The following PPP2R2B variants were observed in gnomAD, a reference collection of about 807,000 sequenced individuals.
PPP2R2B encodes serine/threonine-protein phosphatase 2A 55 kDa regulatory subunit B beta isoform.
PPP2R2B carries 5 observed loss-of-function variants against 46.0 expected under a neutral mutation model. The ratio of observed to expected loss-of-function variants is 0.11; its 90% CI spans 0.06 to 0.23. PPP2R2B has a LOEUF of 0.23. Ranked by LOEUF, PPP2R2B falls within the 10% of genes least tolerant of loss-of-function variation. The pLI is 1.00. For synonymous variants in PPP2R2B, 215 were observed against 206.7 expected (o/e 1.04, Z -0.34); for missense variants, 367 against 575.0 (o/e 0.64, Z 3.70).
At chr5:146,886,009 A>G (rs1344862954) in intron 1 of PPP2R2B, among the ~76,000 whole-genome samples, 12 of 152,122 alleles carry the variant, frequency 7.9e-5, no homozygotes. Flanking sequence ...TAAAGGGTTC[A>G]GGATTTCTTT....
chr5:146,756,435 G>A (rs1753834579), intron 2 of PPP2R2B, among the ~76,000 whole-genome samples: 1 of 152,132 alleles, frequency 6.6e-6, no homozygotes, highest in African/African-American at 2.4e-5. Context: ...ATACACTACG[G>A]CAGATGTGAG....
intron 2 of PPP2R2B, among the ~76,000 whole-genome samples, chr5:146,798,094 C>A (rs2151301996): frequency 6.6e-6 from 1 of 152,020 alleles, no homozygotes; most frequent in East Asian, 1.9e-4. Flanking sequence ...CATTTTTATC[C>A]CTAGTATCTT....
At chr5:146,791,775 A>G (rs1310497564) in intron 2 of PPP2R2B, among the ~76,000 whole-genome samples, 1 of 152,236 alleles carries the variant, frequency 6.6e-6, no homozygotes, top group African/African-American at 2.4e-5. Context: ...CACACTCACT[A>G]CTATTTATTA....
chr5:146,977,089 C>G (rs982993480), intron 1 of PPP2R2B, among the ~76,000 whole-genome samples: 2 of 152,110 alleles, frequency 1.3e-5, no homozygotes, highest in African/African-American at 2.4e-5. Flanking sequence ...TGCCTTCATT[C>G]TTTCATACCC....
chr5:146,841,467 C>T (rs539906504), intron 2 of PPP2R2B, among the ~76,000 whole-genome samples: 72 of 152,202 alleles, frequency 4.7e-4, no homozygotes, highest in Non-Finnish European at 9.3e-4. Context: ...GTGAAAATTC[C>T]TCATTCCTAC....
At chr5:146,896,924 G>C (rs1198099093) in intron 1 of PPP2R2B, among the ~76,000 whole-genome samples, 1 of 152,090 alleles carries the variant, frequency 6.6e-6, no homozygotes, top group Non-Finnish European at 1.5e-5. Context: ...GCTAAGAAAT[G>C]CTGGCTTAGC....
intron 2 of PPP2R2B, among the ~76,000 whole-genome samples, chr5:146,815,125 A>G (rs941213150): frequency 2.6e-5 from 4 of 152,186 alleles, no homozygotes; most frequent in African/African-American, 4.8e-5. Context: ...ATCATCCCTG[A>G]AGGATGTGCA....
chr5:147,043,903 C>A (rs1756427751), intron 1 of PPP2R2B, among the ~76,000 whole-genome samples: 1 of 152,076 alleles, frequency 6.6e-6, no homozygotes, highest in Admixed American at 6.6e-5. Context: ...GTGGAGCCAG[C>A]CTACCTGGGT....
intron 2 of PPP2R2B, among the ~76,000 whole-genome samples, chr5:146,709,029 C>A (rs888710896): frequency 6.6e-6 from 1 of 152,212 alleles, no homozygotes; most frequent in Admixed American, 6.5e-5. Context: ...TGCTTGCTAT[C>A]CTTGACCTAC....
chr5:146,971,536 A>G (rs1752660762), intron 1 of PPP2R2B, among the ~76,000 whole-genome samples: 1 of 152,204 alleles, frequency 6.6e-6, no homozygotes, highest in South Asian at 2.1e-4. Context: ...ATCTTTTTCT[A>G]TGAGAAATAA....
chr5:146,770,974 TA>T (rs1754817746), intron 2 of PPP2R2B, among the ~76,000 whole-genome samples: 1 of 152,226 alleles, frequency 6.6e-6, no homozygotes, highest in African/African-American at 2.4e-5. Context: ...AGAATTTACC[TA>T]TGCATGATGG....
chr5:146,898,128 T>C (rs144321347), intron 1 of PPP2R2B, among the ~76,000 whole-genome samples: 1,577 of 152,284 alleles, frequency 0.01, 34 homozygotes, highest in African/African-American at 0.037. Flanking sequence ...GAGGTTGCAG[T>C]GAACTGAGAT....
intron 2 of PPP2R2B, among the ~76,000 whole-genome samples, chr5:146,746,550 T>A (rs1418529304): frequency 1.3e-5 from 2 of 152,212 alleles, no homozygotes; most frequent in Non-Finnish European, 2.9e-5. Context: ...TTCTCTAGCC[T>A]GCAAAAGGAG....
chr5:146,624,168 G>T (rs1773888071), intron 7 of PPP2R2B, among the ~76,000 whole-genome samples: 1 of 152,166 alleles, frequency 6.6e-6, no homozygotes, highest in African/African-American at 2.4e-5. Flanking sequence ...TGGGTTTTCA[G>T]GAGGATCAAT....
At chr5:146,777,261 C>T (rs139237589) in intron 2 of PPP2R2B, among the ~76,000 whole-genome samples, 31 of 152,048 alleles carry the variant, frequency 2.0e-4, no homozygotes, top group Middle Eastern at 3.4e-3. Flanking sequence ...TAAAATGTGG[C>T]GCATATGTAA....
chr5:147,058,004 C>G (rs1341458211), upstream of PPP2R2B, among the ~76,000 whole-genome samples: 1 of 152,164 alleles, frequency 6.6e-6, no homozygotes, highest in Admixed American at 6.6e-5. Flanking sequence ...AGTATCAGCC[C>G]TTAATTACAG....
chr5:146,969,875 A>G (rs945948280), intron 1 of PPP2R2B, among the ~76,000 whole-genome samples: 3 of 152,240 alleles, frequency 2.0e-5, no homozygotes, highest in Non-Finnish European at 4.4e-5. Context: ...GATTACATTT[A>G]TCGCAGTGAA....
At chr5:146,718,165 C>T (rs17105251) in intron 2 of PPP2R2B, among the ~76,000 whole-genome samples, 20,324 of 151,918 alleles carry the variant, frequency 0.13, 1,774 homozygotes, top group East Asian at 0.36. Context: ...CAATGTTTGA[C>T]ACATAGTAGA....
In PPP2R2B at chr5:146,669,091, T is replaced by C. The variant is rs117858179; in HGVS notation, c.448-18367A>G. On this transcript the variant is annotated intron_variant, in intron 5 of 9. Coordinates refer to ENST00000394411, the MANE Select transcript of PPP2R2B (RefSeq NM_181675.4). The stretch of plus-strand genomic sequence containing the variant: ...AGGGAAAAGAGAACAAATGTGCAGT[T>C]CATTTAAAATCACTGTAGTTGAACA... 6.9e-3 allele frequency among the ~76,000 whole-genome samples: 1,051 copies of C among 152,310 alleles called. 25 individuals are homozygous for C. Among genetic ancestry groups the C allele is most frequent in the Admixed American group, 0.041 (634 of 15,290 alleles).
Sources: allele counts gnomAD v4.1 joint callset (sites outside exome capture counted in the v4.1 genomes callset), GRCh38; gene constraint gnomAD v4.1.1; transcripts MANE v1.5; gene names NCBI Gene and HGNC (gene_info 2026-07-23, HGNC 2026-07-21).